Variants in PNPLA7 observed in about 807,000 individuals in gnomAD.
PNPLA7 encodes patatin like domain 7, lysophospholipase, also known as patatin-like phospholipase domain-containing protein 7.
A neutral mutation model predicts 161.7 loss-of-function variants in PNPLA7; 153 were observed. The ratio of observed to expected loss-of-function variants is 0.95; its 90% CI spans 0.83 to 1.08. PNPLA7 has a LOEUF of 1.08. Ranked by LOEUF, PNPLA7 falls within the 50% of genes least tolerant of loss-of-function variation. PNPLA7 has a pLI of 0.00. For missense variants in PNPLA7, 1,739 were observed against 1,856.6 expected, an observed-to-expected ratio of 0.94 and a Z score of 1.16; for synonymous variants, 809 against 782.1, an observed-to-expected ratio of 1.03 and a Z score of -0.57.
chr9:137,533,430 C>G (rs1407388842), intron 8 of PNPLA7, among the ~76,000 whole-genome samples: 2 of 147,690 alleles, frequency 1.4e-5, no homozygotes, highest in African/African-American at 5.0e-5. Context: ...TCCTCCCCAA[C>G]AGTGTCCACT....
Position 137,498,106 on chromosome 9 carries a change from G to A in PNPLA7, c.1889+8C>T, listed in dbSNP as rs762472446. On this transcript the variant is annotated splice_region_variant and intron_variant, in intron 17 of 34. Transcript: ENST00000406427. ...TGGATGCGGAGTGTGTGGCACCCAC[G>A]GCCTCACCTGTATATTGCTCGCCCG... 1.6e-5 allele frequency: 25 copies of A among 1,611,994 alleles called. No homozygotes were observed. The highest frequency in any genetic ancestry group is 1.1e-4 in the East Asian group (5 of 44,860).
At chr9:137,485,549 G>A (rs1564298728) in intron 20 of PNPLA7, among the ~76,000 whole-genome samples, 1 of 152,232 alleles carries the variant, frequency 6.6e-6, no homozygotes, top group South Asian at 2.1e-4. Flanking sequence ...TGAACCAATC[G>A]TCGCAGGGCT....
In PNPLA7 at chr9:137,547,947, C is replaced by G. The variant is rs1411682310; in HGVS notation, c.31-288G>C. 2.0e-5 allele frequency among the ~76,000 whole-genome samples: 3 copies of G among 152,158 alleles called. No homozygotes were observed. The highest frequency in any genetic ancestry group is 2.0e-4 in the Admixed American group (3 of 15,272). ...TGCTGGTGATGCAATCCTTGGGATG[C>G]AGGTCTCAGGGAGCAGGCCTGGCCA... On this transcript the variant is annotated intron_variant, in intron 1 of 34. Transcript: ENST00000406427. This position sits in a 1 kb window ranked among gnomAD's most constrained non-coding sequence, Gnocchi z 4.6.
In PNPLA7 at chr9:137,500,401, A is replaced by C. The variant is rs1244899456; in HGVS notation, c.1757+290T>G. Among the ~76,000 whole-genome samples, 1 of 152,222 alleles carries C rather than the reference A, an allele frequency of 6.6e-6. No individual in the cohort carries two copies. Among genetic ancestry groups the C allele is most frequent in the Non-Finnish European group, 1.5e-5 (1 of 68,036 alleles). On this transcript the variant is annotated intron_variant, in intron 16 of 34. Transcript: ENST00000406427. The surrounding 1 kb of genome is among the most constrained non-coding windows in gnomAD (Gnocchi z 5.5). ...GGAGCCCCAGAACTGACCAGTGATA[A>C]ATGGACACGGCTGAGACCAGACCAC...
intron 25 of PNPLA7, among the ~76,000 whole-genome samples, chr9:137,475,850 C>T (rs963955126): frequency 6.6e-6 from 1 of 152,036 alleles, no homozygotes; most frequent in African/African-American, 2.4e-5. Flanking sequence ...AATTCTATAC[C>T]CAGCCAAACT....
chr9:137,478,874 G>A, intron 24 of PNPLA7, 182 bp downstream of exon 24: 1 of 872,602 alleles, frequency 1.1e-6, no homozygotes, highest in Non-Finnish European at 1.6e-6. Flanking sequence ...TCCTAGCCGT[G>A]GCCACCAGAG....
chr9:137,511,493 C>G (rs1330551190), intron 12 of PNPLA7, among the ~76,000 whole-genome samples: 1 of 151,860 alleles, frequency 6.6e-6, no homozygotes. Flanking sequence ...GGCGGTAGCA[C>G]CAGCACCTGG....
At chr9:137,510,276 A>G (rs754797143) in intron 12 of PNPLA7, among the ~76,000 whole-genome samples, 30 of 152,228 alleles carry the variant, frequency 2.0e-4, no homozygotes, top group African/African-American at 2.6e-4. Flanking sequence ...AGACCTGCCC[A>G]CAGTTATCCG....
At chr9:137,488,560 C>T (rs377411894) in intron 20 of PNPLA7, among the ~76,000 whole-genome samples, 5 of 152,292 alleles carry the variant, frequency 3.3e-5, no homozygotes, top group Admixed American at 1.3e-4. Context: ...CCGGGGACCT[C>T]GGACTCATGG....
At chr9:137,481,241 G>T (rs1354842288) in intron 21 of PNPLA7, among the ~76,000 whole-genome samples, 2 of 152,234 alleles carry the variant, frequency 1.3e-5, no homozygotes, top group Admixed American at 6.5e-5. Flanking sequence ...GTGGGGAAGG[G>T]CCTGTGGCCT....
At chr9:137,501,447 C>T (rs964011711) in intron 15 of PNPLA7, among the ~76,000 whole-genome samples, 15 of 152,234 alleles carry the variant, frequency 9.9e-5, no homozygotes, top group African/African-American at 3.4e-4. Context: ...GCCAGTGCAG[C>T]AGGGGCCAAA....
chr9:137,527,901 A>G (rs1835380226), intron 8 of PNPLA7, among the ~76,000 whole-genome samples: 2 of 152,214 alleles, frequency 1.3e-5, no homozygotes, highest in Admixed American at 1.3e-4. Flanking sequence ...CCAGGTGGGA[A>G]GGATTTTAGC....
At position 137,500,248 on chromosome 9, in the gene PNPLA7, C is replaced by T. The variant is rs778825399; in HGVS notation, c.1757+443G>A. The stretch of plus-strand genomic sequence containing the variant: ...CCCGAGCCAGAGACGCGTCCTCACC[C>T]ACTGCCTTGCCCTTCCACCTCCGCA... On this transcript the variant is annotated intron_variant, in intron 16 of 34. Coordinates refer to ENST00000406427, the MANE Select transcript of PNPLA7 (RefSeq NM_001098537.3). The surrounding 1 kb of genome is among the most constrained non-coding windows in gnomAD (Gnocchi z 5.5). 9.9e-5 allele frequency among the ~76,000 whole-genome samples: 15 copies of T among 152,262 alleles called. No homozygotes were observed. The highest frequency in any genetic ancestry group is 1.8e-4 in the Non-Finnish European group (12 of 68,050).
Position 137,461,951 on chromosome 9 carries a change from TCGGCC to T in PNPLA7, c.3731_3735del (p.Gly1244GlufsTer27). On this transcript the variant is annotated frameshift_variant, in exon 32 of 35. Coordinates refer to ENST00000406427, the MANE Select transcript of PNPLA7 (RefSeq NM_001098537.3). LOFTEE classifies it high-confidence loss of function. ...CTCACCGCACTCGCGGGCTTCTTGCTCGGCCCCTGCTGGTCGCGGAGCATCTTCTC... is the reference window on the plus strand; with the variant it reads ...CTCACCGCACTCGCGGGCTTCTTGCTCCTGCTGGTCGCGGAGCATCTTCTC... 1 of 1,587,090 alleles carries T rather than the reference TCGGCC, an allele frequency of 6.3e-7. No homozygotes were observed. Among genetic ancestry groups the T allele is most frequent in the Non-Finnish European group, 8.5e-7 (1 of 1,171,196 alleles).
At position 137,500,216 on chromosome 9, in the gene PNPLA7, C is replaced by T. The variant is rs1378316353; in HGVS notation, c.1757+475G>A. ...CAAGAAGGGACACACGTCAGTGGGG[C>T]TCCTCCCCCGAGCCAGAGACGCGTC... On this transcript the variant is annotated intron_variant, in intron 16 of 34. Transcript: ENST00000406427. The surrounding 1 kb of genome is among the most constrained non-coding windows in gnomAD (Gnocchi z 5.5). 6.6e-6 allele frequency among the ~76,000 whole-genome samples: 1 copy of T among 152,254 alleles called. No homozygotes were observed. The highest frequency in any genetic ancestry group is 1.5e-5 in the Non-Finnish European group (1 of 68,036).
intron 15 of PNPLA7, 47 bp downstream of exon 15, chr9:137,501,603 C>A (rs576480717): frequency 1.9e-6 from 3 of 1,568,818 alleles, no homozygotes; most frequent in East Asian, 4.5e-5. Flanking sequence ...TGGCACTGGG[C>A]TATGGCATTG....
rs757714402 is a variant in PNPLA7 at position 137,537,915 on chromosome 9, G to A, written c.747+2727C>T. Among the ~76,000 whole-genome samples, 17 of 152,166 alleles carry A rather than the reference G, an allele frequency of 1.1e-4. No individual in the cohort carries two copies. Among genetic ancestry groups the A allele is most frequent in the African/African-American group, 1.4e-4 (6 of 41,428 alleles). ...AGAAACGAATCATCCAAGGTAGGTC[G>A]CATACAGATGCCCCGTGCTGAACGG... On this transcript the variant is annotated intron_variant, in intron 8 of 34. Coordinates refer to ENST00000406427, the MANE Select transcript of PNPLA7 (RefSeq NM_001098537.3). This position sits in a 1 kb window ranked among gnomAD's most constrained non-coding sequence, Gnocchi z 4.5.
At chr9:137,546,943 G>A in intron 3 of PNPLA7, 34 bp from the exon 4 acceptor site, 1 of 1,602,588 alleles carries the variant, frequency 6.2e-7, no homozygotes, top group Non-Finnish European at 8.5e-7. Flanking sequence ...CTGAGGTAGA[G>A]CCGTGGCACA....
rs938565300 is a variant in PNPLA7 at position 137,464,289 on chromosome 9, G to A, written c.3156+51C>T. The A allele has an allele frequency of 1.2e-5, 20 of 1,605,350 alleles. No individual in the cohort carries two copies. In the African/African-American group the frequency reaches 1.7e-4, roughly 14 times the overall value. On this transcript the variant is annotated intron_variant, in intron 27 of 34. Coordinates refer to ENST00000406427, the MANE Select transcript of PNPLA7 (RefSeq NM_001098537.3). The stretch of plus-strand genomic sequence containing the variant: ...CCCAGGGCCAAGAGGTGGGGGGCCA[G>A]GAGGGGACAGGCACTGGGGGCTGCA...
Sources: allele counts gnomAD v4.1 joint callset (sites outside exome capture counted in the v4.1 genomes callset), GRCh38; gene constraint gnomAD v4.1.1; non-coding constraint Gnocchi (gnomAD v3.1); transcripts MANE v1.5; gene names NCBI Gene and HGNC (gene_info 2026-07-23, HGNC 2026-07-21).